The following CA10 variants were observed in gnomAD, a reference collection of about 807,000 sequenced individuals.
CA10 encodes carbonic anhydrase-related protein 10.
Under a neutral mutation model 44.2 loss-of-function variants are expected in CA10, and 14 were observed. That is an observed-to-expected ratio of 0.32 (90% CI 0.21 to 0.50). The LOEUF is 0.50. CA10 is among the 20% of genes least tolerant of loss of function. The pLI is 0.99. For missense variants in CA10, 350 were observed against 409.7 expected (o/e 0.85, Z 1.26); for synonymous variants, 159 against 141.6 (o/e 1.12, Z -0.87).
In CA10 at chr17:51,631,582, C is replaced by T; in HGVS notation, c.*2G>A. 1 of 1,612,756 alleles carries T rather than the reference C, an allele frequency of 6.2e-7. No individual in the cohort carries two copies. Among genetic ancestry groups the T allele is most frequent in the Non-Finnish European group, 8.5e-7 (1 of 1,179,012 alleles). ...AGGTGGGATTCTTCTTGGCTTTGTTCCCTACTTGAGGAGCCATTCATTTAC... is the reference window on the plus strand; with the variant it reads ...AGGTGGGATTCTTCTTGGCTTTGTTTCCTACTTGAGGAGCCATTCATTTAC... On this transcript the variant is annotated 3_prime_UTR_variant, in exon 9 of 9. Transcript: ENST00000451037.
At position 52,100,416 on chromosome 17, in the gene CA10, C is replaced by A. The variant is rs116204281; in HGVS notation, c.62-28023G>T. Reference sequence around the variant, plus strand: ...TCTATATTTGAGAAAAAAACATAACCCATTCTCAAGGGCAACAGGACTCTC... The same window carrying A: ...TCTATATTTGAGAAAAAAACATAACACATTCTCAAGGGCAACAGGACTCTC... On this transcript the variant is annotated intron_variant, in intron 1 of 8. Transcript: ENST00000451037. Among the ~76,000 whole-genome samples the A allele has an allele frequency of 2.9e-3, 431 of 149,382 alleles. 1 individual carries two copies. Among genetic ancestry groups the A allele is most frequent in the African/African-American group, 9.5e-3 (393 of 41,442 alleles).
chr17:51,773,717 C>T (rs1252210713), intron 3 of CA10, among the ~76,000 whole-genome samples: 1 of 152,232 alleles, frequency 6.6e-6, no homozygotes. Context: ...AATACAACTT[C>T]GATGAACTGT....
At position 51,747,690 on chromosome 17, in the gene CA10, C is replaced by A; in HGVS notation, c.408G>T (p.Gly136=). ...GCTCCGACCCTTGGCTGTCCTCACT[C>A]CCAAAGTGTAGTCGGATCTCCTCCA... is the stretch of plus-strand genomic sequence containing the variant. The part of the protein sequence containing the change: ...HRLEEIRLHF[G]SEDSQGSEHL... The change falls in exon 4 of 9, where the codon GGG becomes GGT. Residue 136 remains glycine, a synonymous_variant. Transcript: ENST00000451037. 1 of 1,614,208 alleles carries A rather than the reference C, an allele frequency of 6.2e-7. No homozygotes were observed. Among genetic ancestry groups the A allele is most frequent in the South Asian group, 1.1e-5 (1 of 91,086 alleles).
intron 1 of CA10, among the ~76,000 whole-genome samples, chr17:52,123,409 A>C (rs545055283): frequency 7.2e-6 from 1 of 139,586 alleles, no homozygotes; most frequent in South Asian, 2.2e-4. Context: ...GTTTTCATTT[A>C]AAAGTTGAAA....
At chr17:52,158,713 ACAACT>A (rs1167895596) in exon 1 of CA10, 1 of 152,482 alleles carries the variant, frequency 6.6e-6, no homozygotes, top group Non-Finnish European at 1.5e-5. Context: ...TTTCCGCAAT[ACAACT>A]GCAGGGGTCG....
chr17:52,053,655 A>G (rs1841868829), intron 2 of CA10, among the ~76,000 whole-genome samples: 1 of 152,144 alleles, frequency 6.6e-6, no homozygotes, highest in Non-Finnish European at 1.5e-5. Context: ...TAACATAAAA[A>G]GGCAGAGATA....
chr17:52,017,607 C>T (rs1487770845), intron 2 of CA10, among the ~76,000 whole-genome samples: 1 of 152,010 alleles, frequency 6.6e-6, no homozygotes, highest in Non-Finnish European at 1.5e-5. Flanking sequence ...TAATTAGACG[C>T]ACATGCAAAG....
chr17:51,956,816 G>T (rs203016), intron 2 of CA10, among the ~76,000 whole-genome samples: 146,307 of 151,254 alleles, frequency 0.97, 70,861 homozygotes, highest in East Asian at 1. Context: ...CTTTTTTTTT[G>T]ACCCACACCC....
chr17:51,892,428 G>T (rs140922867), intron 3 of CA10, among the ~76,000 whole-genome samples: 136 of 152,234 alleles, frequency 8.9e-4, no homozygotes, highest in Middle Eastern at 3.4e-3. Flanking sequence ...TATAATAAAA[G>T]GAAATAATGA....
chr17:51,987,382 T>G (rs1163082509), intron 2 of CA10, among the ~76,000 whole-genome samples: 1 of 151,386 alleles, frequency 6.6e-6, no homozygotes, highest in African/African-American at 2.4e-5. Flanking sequence ...GGGGAAAGGG[T>G]GGGAAGGGGG....
chr17:52,038,895 A>C (rs1986692185), intron 2 of CA10, among the ~76,000 whole-genome samples: 1 of 152,146 alleles, frequency 6.6e-6, no homozygotes, highest in Non-Finnish European at 1.5e-5. Context: ...GAATTATTTT[A>C]ATAACATGGT....
intron 2 of CA10, among the ~76,000 whole-genome samples, chr17:51,943,537 C>T (rs1289109403): frequency 1.3e-5 from 2 of 152,186 alleles, no homozygotes; most frequent in African/African-American, 4.8e-5. Context: ...GTATGCCCAG[C>T]CTTTCGGGGC....
At chr17:51,677,781 C>T (rs1914679098) in intron 4 of CA10, among the ~76,000 whole-genome samples, 1 of 152,074 alleles carries the variant, frequency 6.6e-6, no homozygotes, top group Non-Finnish European at 1.5e-5. Flanking sequence ...GTGAACTCTT[C>T]AACTCAGTGC....
Position 51,978,382 on chromosome 17 carries a change from A to ATGTGTG in CA10, c.137-47256_137-47251dup, listed in dbSNP as rs56108471. 2.3e-3 allele frequency among the ~76,000 whole-genome samples: 322 copies of ATGTGTG among 142,094 alleles called. 2 individuals carry two copies. The Middle Eastern group carries it at 0.04, about 18-fold the overall frequency. 93.2% of individuals were successfully genotyped at this position (142,094 alleles called of 152,430 possible). The stretch of plus-strand genomic sequence containing the variant: ...TACTCATATCTGTGTGTGTGTCTGT[A>ATGTGTG]TGTGTGTGTGTGTGTGTGTGTGTGT... On this transcript the variant is annotated intron_variant, in intron 2 of 8. Transcript: ENST00000451037.
chr17:52,089,593 T>TA (rs1471432991), intron 1 of CA10, among the ~76,000 whole-genome samples: 5 of 152,108 alleles, frequency 3.3e-5, no homozygotes, highest in African/African-American at 9.7e-5. Context: ...TGACTATTTA[T>TA]ACTGTTTTTT....
chr17:51,772,010 C>A (rs993425176), intron 3 of CA10, among the ~76,000 whole-genome samples: 15 of 152,138 alleles, frequency 9.9e-5, no homozygotes, highest in African/African-American at 3.6e-4. Context: ...GTTCAATTAC[C>A]ATCCCTGTGA....
At chr17:51,839,555 TA>T (rs1489416694) in intron 3 of CA10, among the ~76,000 whole-genome samples, 1 of 128,308 alleles carries the variant, frequency 7.8e-6, no homozygotes, top group African/African-American at 3.2e-5. Context: ...AAGAGGCAGT[TA>T]AAAACAGAAA....
intron 1 of CA10, among the ~76,000 whole-genome samples, chr17:52,152,452 T>A (rs1989723130): frequency 6.6e-6 from 1 of 152,096 alleles, no homozygotes; most frequent in Admixed American, 6.6e-5. Context: ...TTCCTCCTTT[T>A]TGATGATGAG....
At chr17:52,008,825 C>T (rs540086876) in intron 2 of CA10, among the ~76,000 whole-genome samples, 108 of 151,988 alleles carry the variant, frequency 7.1e-4, no homozygotes, top group African/African-American at 2.6e-3. Flanking sequence ...TCTTTCCAAA[C>T]AGAAGAGCTG....
Sources: allele counts gnomAD v4.1 joint callset (sites outside exome capture counted in the v4.1 genomes callset), GRCh38; gene constraint gnomAD v4.1.1; transcripts MANE v1.5; gene names NCBI Gene and HGNC (gene_info 2026-07-23, HGNC 2026-07-21).